The following TMEM38B variants were observed in gnomAD, a reference collection of about 807,000 sequenced individuals.
The protein encoded by TMEM38B is transmembrane protein 38B.
A neutral mutation model predicts 28.7 loss-of-function variants in TMEM38B; 24 were observed. The observed-to-expected ratio is 0.84, with a 90% CI of 0.61 to 1.18. TMEM38B has a LOEUF of 1.18. Ranked by LOEUF, TMEM38B falls within the 50% of genes most tolerant of loss-of-function variation. TMEM38B has a pLI of 0.00. For synonymous variants in TMEM38B, 131 were observed against 127.7 expected (o/e 1.03, Z -0.17); for missense variants, 380 against 350.9 (o/e 1.08, Z -0.66).
At chr9:105,722,653 A>C (rs766482870) in intron 4 of TMEM38B, 32 bp downstream of exon 4, 1 of 1,552,680 alleles carries the variant, frequency 6.4e-7, no homozygotes, top group African/African-American at 1.4e-5. Context: ...TGAGACCTAG[A>C]TGTTTATCCT....
chr9:105,745,955 C>A (rs1837375193), intron 4 of TMEM38B, among the ~76,000 whole-genome samples: 1 of 152,074 alleles, frequency 6.6e-6, no homozygotes, highest in African/African-American at 2.4e-5. Context: ...TGTTTTGGTA[C>A]CAGTACCATG....
At chr9:105,714,213 C>G (rs1414921549) in intron 2 of TMEM38B, among the ~76,000 whole-genome samples, 1 of 152,178 alleles carries the variant, frequency 6.6e-6, no homozygotes, top group South Asian at 2.1e-4. Context: ...ACCTTCCTCT[C>G]AGCTGACAGC....
intron 4 of TMEM38B, among the ~76,000 whole-genome samples, chr9:105,745,974 G>A (rs1411212119): frequency 6.6e-6 from 1 of 152,064 alleles, no homozygotes; most frequent in African/African-American, 2.4e-5. Flanking sequence ...TGCTGTTTTG[G>A]TTACTGTAGC....
At chr9:105,747,059 A>G (rs548743630) in intron 4 of TMEM38B, among the ~76,000 whole-genome samples, 1 of 152,162 alleles carries the variant, frequency 6.6e-6, no homozygotes, top group Non-Finnish European at 1.5e-5. Context: ...TGTCTCTGCC[A>G]GGCTTTGGTA....
At chr9:105,737,605 C>T (rs1031197063) in intron 4 of TMEM38B, among the ~76,000 whole-genome samples, 1 of 152,144 alleles carries the variant, frequency 6.6e-6, no homozygotes, top group African/African-American at 2.4e-5. Context: ...GGGACTAGTC[C>T]AGTTCTGTGG....
At chr9:105,768,001 G>GT (rs1429953344) in intron 5 of TMEM38B, among the ~76,000 whole-genome samples, 1 of 151,968 alleles carries the variant, frequency 6.6e-6, no homozygotes, top group Non-Finnish European at 1.5e-5. Context: ...TCTTTGTTTT[G>GT]TTTGTGACCT....
rs1588414970 is a variant in TMEM38B, at chr9:105,721,546, A to G, written c.279A>G (p.Thr93=). ...TACATTTCATTTTCAGGTATATTAC[A>G]TTTTTTTGCCCGCATGACCTAGTTT... ...ILLASSIWYI[T]FFCPHDLVSQ... The change falls in exon 3 of 6, where the codon ACA becomes ACG. Residue 93 remains threonine (T), a synonymous_variant. Coordinates refer to ENST00000374692, the MANE Select transcript of TMEM38B (RefSeq NM_018112.3). 3.8e-6 allele frequency: 6 copies of G among 1,593,362 alleles called. No individual in the cohort carries two copies. The highest frequency in any genetic ancestry group is 4.3e-6 in the Non-Finnish European group (5 of 1,170,832).
At chr9:105,726,505 G>T (rs1417526945) in intron 4 of TMEM38B, among the ~76,000 whole-genome samples, 1 of 152,006 alleles carries the variant, frequency 6.6e-6, no homozygotes, top group Non-Finnish European at 1.5e-5. Context: ...TCCACATCTT[G>T]TCCCACTTGA....
chr9:105,756,018 G>A (rs1408657647), intron 5 of TMEM38B, among the ~76,000 whole-genome samples: 2 of 152,048 alleles, frequency 1.3e-5, no homozygotes, highest in African/African-American at 4.8e-5. Flanking sequence ...ATCTCTAGAG[G>A]TCAGGAGTTC....
chr9:105,711,497 A>G (rs535938118), intron 2 of TMEM38B, among the ~76,000 whole-genome samples: 1 of 152,188 alleles, frequency 6.6e-6, no homozygotes, highest in South Asian at 2.1e-4. Context: ...AGCCAAACAT[A>G]AGACCTAATG....
intron 4 of TMEM38B, among the ~76,000 whole-genome samples, chr9:105,745,430 G>T (rs1279705659): frequency 1.3e-5 from 2 of 152,106 alleles, no homozygotes; most frequent in Admixed American, 1.3e-4. Flanking sequence ...TTGTTGATGG[G>T]GTTGTTTGTT....
At chr9:105,751,818 C>A (rs1466209193) in intron 5 of TMEM38B, among the ~76,000 whole-genome samples, 1 of 151,344 alleles carries the variant, frequency 6.6e-6, no homozygotes, top group Non-Finnish European at 1.5e-5. Flanking sequence ...GCACAGCTGC[C>A]TTGGCAGATC....
chr9:105,709,672 A>G (rs958977716), intron 2 of TMEM38B, among the ~76,000 whole-genome samples: 8 of 152,226 alleles, frequency 5.3e-5, no homozygotes. Context: ...TCTTAGCTGG[A>G]TGTCGAATAT....
chr9:105,775,928 A>G lies in TMEM38B; in HGVS notation c.*1848A>G, dbSNP rs1012205705. 7.2e-5 allele frequency: 11 copies of G among 152,138 alleles called. No homozygotes were observed. Among genetic ancestry groups the G allele is most frequent in the Non-Finnish European group, 1.0e-4 (7 of 68,032 alleles). The allele number at this position is 152,138 out of a possible 1,614,324, so 9.4% of individuals were successfully genotyped here. On this transcript the variant is annotated 3_prime_UTR_variant, in exon 6 of 6. Transcript: ENST00000374692. ...ATTCAGTGATTACTGTTCAAATGGG[A>G]CATTGGTAGAAACTTTATTAATCTA...
intron 4 of TMEM38B, among the ~76,000 whole-genome samples, chr9:105,738,036 G>T (rs547743090): frequency 1.1e-3 from 162 of 152,222 alleles, no homozygotes; most frequent in African/African-American, 3.8e-3. Flanking sequence ...GGATGGAAGG[G>T]TACAGTAGCT....
At chr9:105,720,694 A>G (rs1392685412) in intron 2 of TMEM38B, among the ~76,000 whole-genome samples, 1 of 152,154 alleles carries the variant, frequency 6.6e-6, no homozygotes, top group Non-Finnish European at 1.5e-5. Flanking sequence ...TAAAAGAGAT[A>G]TGATATTCTT....
intron 4 of TMEM38B, 82 bp from the exon 5 acceptor site, chr9:105,747,991 A>C: frequency 1.1e-6 from 1 of 878,082 alleles, no homozygotes; most frequent in South Asian, 1.5e-5. Flanking sequence ...CATTAAGTTA[A>C]TGTTTTGCAG....
chr9:105,721,704 C>A lies in TMEM38B; in HGVS notation c.437C>A (p.Ala146Asp). The change falls in exon 3 of 6, where the codon GCT (alanine) becomes GAT (aspartate). Residue 146 changes from alanine to aspartate, a missense_variant. Physicochemically the swap from Ala to Asp is moderately radical, Grantham distance 126. Transcript: ENST00000374692. ...YYKNGWIVMI[A>D]IGWARGAGGT... is the part of the protein sequence containing the mutation. Reference sequence around the variant, plus strand: ...AAAAATGGCTGGATAGTCATGATAGCTATTGGATGGGCCCGAGGTAATATT... The same window carrying A: ...AAAAATGGCTGGATAGTCATGATAGATATTGGATGGGCCCGAGGTAATATT... 1 of 1,611,858 alleles carries A rather than the reference C, an allele frequency of 6.2e-7. No homozygotes were observed. The highest frequency in any genetic ancestry group is 8.5e-7 in the Non-Finnish European group (1 of 1,178,854).
At chr9:105,713,755 A>G (rs1367635415) in intron 2 of TMEM38B, among the ~76,000 whole-genome samples, 1 of 152,138 alleles carries the variant, frequency 6.6e-6, no homozygotes, top group African/African-American at 2.4e-5. Context: ...GGCGGAACTC[A>G]TAGTGCCTTT....
Sources: allele counts gnomAD v4.1 joint callset (sites outside exome capture counted in the v4.1 genomes callset), GRCh38; gene constraint gnomAD v4.1.1; transcripts MANE v1.5; gene names NCBI Gene and HGNC (gene_info 2026-07-23, HGNC 2026-07-21).